The following ANKFN1 variants were observed in gnomAD, a reference collection of about 807,000 sequenced individuals.
ANKFN1 encodes the protein ankyrin repeat and fibronectin type III domain containing 1.
ANKFN1 carries 74 observed loss-of-function variants against 108.7 expected under a neutral mutation model. The ratio of observed to expected loss-of-function variants is 0.68; its 90% CI spans 0.56 to 0.83. ANKFN1 has a LOEUF of 0.83. Among genes scored for constraint, ANKFN1 ranks in the 40% least tolerant of loss-of-function variants. The pLI is 0.00. For missense variants in ANKFN1, 1,505 were observed against 1,382.3 expected (o/e 1.09, Z -1.41); for synonymous variants, 547 against 516.2 (o/e 1.06, Z -0.81).
At chr17:56,239,176 A>ATTTAATG (rs542271199) in intron 3 of ANKFN1, among the ~76,000 whole-genome samples, 118 of 152,326 alleles carry the variant, frequency 7.7e-4, no homozygotes, top group African/African-American at 2.7e-3. Context: ...AGATATAGAT[A>ATTTAATG]TTTAATGAAA....
chr17:56,440,680 G>C (rs1286686306), intron 9 of ANKFN1, among the ~76,000 whole-genome samples: 1 of 152,158 alleles, frequency 6.6e-6, no homozygotes, highest in African/African-American at 2.4e-5. Flanking sequence ...CTTGAAAGCT[G>C]CTGCTTTCTG....
intron 1 of ANKFN1, among the ~76,000 whole-genome samples, chr17:56,173,242 C>T (rs1024514695): frequency 1.3e-5 from 2 of 152,228 alleles, no homozygotes; most frequent in Non-Finnish European, 2.9e-5. Context: ...GGCTCTGCCA[C>T]TTTGCCACCT....
At chr17:56,199,029 A>G (rs750694764) in intron 1 of ANKFN1, among the ~76,000 whole-genome samples, 2 of 152,232 alleles carry the variant, frequency 1.3e-5, no homozygotes, top group African/African-American at 4.8e-5. Flanking sequence ...TTGAAATTTC[A>G]TTAATACTAA....
chr17:56,299,297 A>G (rs1013180808), intron 3 of ANKFN1, among the ~76,000 whole-genome samples: 3 of 152,092 alleles, frequency 2.0e-5, no homozygotes, highest in African/African-American at 7.2e-5. Context: ...AATACCTTCC[A>G]GTGTTCCCTG....
chr17:56,222,066 C>T lies in ANKFN1; in HGVS notation c.13-5851C>T, dbSNP rs143073926. On this transcript the variant is annotated intron_variant, in intron 2 of 20. Transcript: ENST00000682825. ...ATCAGGGTCTCAGGTGATCTGTGGA[C>T]ACATTCAAGTATAAGGAGCACTGGC... 1.3e-3 allele frequency among the ~76,000 whole-genome samples: 194 copies of T among 152,328 alleles called. 1 individual carries two copies. Among genetic ancestry groups the T allele is most frequent in the African/African-American group, 4.4e-3 (181 of 41,576 alleles).
At chr17:56,272,954 T>C (rs546989591) in intron 3 of ANKFN1, among the ~76,000 whole-genome samples, 1 of 152,200 alleles carries the variant, frequency 6.6e-6, no homozygotes, top group Non-Finnish European at 1.5e-5. Flanking sequence ...AAACTGATAG[T>C]TGATGCCTGA....
chr17:56,369,561 T>C (rs1462567003), intron 6 of ANKFN1, among the ~76,000 whole-genome samples: 1 of 152,222 alleles, frequency 6.6e-6, no homozygotes, highest in African/African-American at 2.4e-5. Context: ...TTGTCATATT[T>C]ACTTGCTTCT....
intron 8 of ANKFN1, among the ~76,000 whole-genome samples, chr17:56,413,835 T>C (rs1040953025): frequency 1.3e-5 from 2 of 152,082 alleles, no homozygotes; most frequent in Admixed American, 6.6e-5. Flanking sequence ...TTCTCCTTCC[T>C]CAGCCTCCCA....
At chr17:56,399,546 T>C (rs1329144302) in intron 8 of ANKFN1, among the ~76,000 whole-genome samples, 1 of 151,984 alleles carries the variant, frequency 6.6e-6, no homozygotes, top group African/African-American at 2.4e-5. Context: ...GTAAGTTCTT[T>C]AGTGATTTGT....
At chr17:56,480,353 G>A (rs1468433631) in intron 16 of ANKFN1, among the ~76,000 whole-genome samples, 1 of 152,168 alleles carries the variant, frequency 6.6e-6, no homozygotes, top group Non-Finnish European at 1.5e-5. Flanking sequence ...CAGGGGATCT[G>A]CAGAGAAAGA....
chr17:56,203,783 A>G (rs1276821452), intron 1 of ANKFN1, among the ~76,000 whole-genome samples: 2 of 152,222 alleles, frequency 1.3e-5, no homozygotes, highest in Non-Finnish European at 2.9e-5. Flanking sequence ...AAAGAATGTA[A>G]GTAACTATTA....
intron 8 of ANKFN1, among the ~76,000 whole-genome samples, chr17:56,413,910 T>C (rs893218019): frequency 6.6e-6 from 1 of 152,118 alleles, no homozygotes; most frequent in African/African-American, 2.4e-5. Context: ...ACTCCTGACC[T>C]CAGGTGATCC....
At chr17:56,209,450 G>T (rs1393735703) in intron 1 of ANKFN1, among the ~76,000 whole-genome samples, 2 of 152,156 alleles carry the variant, frequency 1.3e-5, no homozygotes, top group African/African-American at 2.4e-5. Flanking sequence ...GGTTAAGGAA[G>T]AATGGAATTA....
intron 9 of ANKFN1, 93 bp downstream of exon 9, chr17:56,440,517 C>T (rs991475857): frequency 3.7e-5 from 35 of 957,394 alleles, no homozygotes; most frequent in African/African-American, 1.8e-4. Context: ...CAACAGCCAA[C>T]GCCCAGTCCT....
At chr17:56,127,064 C>T (rs923462965) in intron 4 of ANKFN1, among the ~76,000 whole-genome samples, 5 of 152,192 alleles carry the variant, frequency 3.3e-5, no homozygotes, top group African/African-American at 1.2e-4. Context: ...TCCAGATTGG[C>T]TCATAGCACA....
At chr17:56,383,227 C>A (rs1440665075) in intron 8 of ANKFN1, among the ~76,000 whole-genome samples, 40 of 152,142 alleles carry the variant, frequency 2.6e-4, no homozygotes, top group Admixed American at 2.6e-3. Flanking sequence ...TCCTGAATGA[C>A]TACTGGGTAC....
At position 56,353,929 on chromosome 17, in the gene ANKFN1, C is replaced by T. The variant is rs1391885303; in HGVS notation, c.484C>T (p.Leu162Phe). Residue 162 changes from leucine to phenylalanine, a missense_variant, in exon 6 of 21, where the codon CTT becomes TTT. Coordinates refer to ENST00000682825, the MANE Select transcript of ANKFN1 (RefSeq NM_001370326.1). Reference protein sequence around the residue: ...ILLYQYTPEELDLNTPNSEGL... With the variant: ...ILLYQYTPEEFDLNTPNSEGL... ...CCTGTATCAGTACACACCAGAAGAA[C>T]TTGACCTCAACACACCTAACAGCGA... 3.7e-6 allele frequency: 6 copies of T among 1,613,950 alleles called. No homozygotes were observed. Among genetic ancestry groups the T allele is most frequent in the Middle Eastern group, 1.6e-4 (1 of 6,082 alleles).
intron 3 of ANKFN1, among the ~76,000 whole-genome samples, chr17:56,311,060 A>G (rs1197248275): frequency 6.6e-6 from 1 of 152,120 alleles, no homozygotes; most frequent in Non-Finnish European, 1.5e-5. Flanking sequence ...TTCATTTAGC[A>G]TAATGTCCTC....
Position 56,350,978 on chromosome 17 carries a change from T to C in ANKFN1, c.390+11T>C, listed in dbSNP as rs1167665261. ...AGGAAGACCTCGGTGGTAACAAAAC[T>C]GTTTTTATTCTTGTGTCAGTTTGAT... On this transcript the variant is annotated intron_variant, in intron 5 of 20. Coordinates refer to ENST00000682825, the MANE Select transcript of ANKFN1 (RefSeq NM_001370326.1). 1 of 1,611,876 alleles carries C rather than the reference T, an allele frequency of 6.2e-7. No individual in the cohort carries two copies.
Sources: gnomAD v4.1 joint callset for allele counts (sites outside exome capture counted in the v4.1 genomes callset) on GRCh38, gnomAD v4.1.1 for gene constraint, MANE v1.5 for transcripts, NCBI Gene and HGNC (gene_info 2026-07-23, HGNC 2026-07-21) for gene names.